SLC4A7: variants seen among roughly 807,000 people sequenced by gnomAD.
SLC4A7 encodes the protein solute carrier family 4 member 7, also known as sodium bicarbonate cotransporter 3.
In SLC4A7, 51 loss-of-function variants were observed where a neutral mutation model predicts 137.6. That is an observed-to-expected ratio of 0.37 (90% CI 0.30 to 0.47). The LOEUF is 0.47. Ranked by LOEUF, SLC4A7 falls within the 20% of genes least tolerant of loss-of-function variation. The pLI is 1.00. For missense variants in SLC4A7, 1,247 were observed against 1,525.4 expected, an observed-to-expected ratio of 0.82 and a Z score of 3.04; for synonymous variants, 542 against 518.6, an observed-to-expected ratio of 1.05 and a Z score of -0.61.
chr3:27,400,792 T>TTG lies in SLC4A7; in HGVS notation c.2397_2398dup (p.Asn800ThrfsTer79), dbSNP rs1475022544. On this transcript the variant is annotated frameshift_variant, in exon 16 of 26. Transcript: ENST00000454389. LOFTEE classifies it high-confidence loss of function. ...AACAGTAAGATTTCTCCAGGAAATA[T>TTG]TGTGTGCTGTTATATTATCTTTCTT... is the stretch of plus-strand genomic sequence containing the variant. The TTG allele has an allele frequency of 1.2e-6, 2 of 1,604,452 alleles. No individual in the cohort carries two copies. The highest frequency in any genetic ancestry group is 4.5e-5 in the East Asian group (2 of 44,758).
chr3:27,391,013 G>A (rs1247405456), intron 21 of SLC4A7, among the ~76,000 whole-genome samples: 1 of 152,114 alleles, frequency 6.6e-6, no homozygotes, highest in African/African-American at 2.4e-5. Context: ...TGTAGAGGCA[G>A]GATCTCACTG....
chr3:27,462,999 A>C (rs2058777245), intron 1 of SLC4A7, among the ~76,000 whole-genome samples: 1 of 152,262 alleles, frequency 6.6e-6, no homozygotes, highest in South Asian at 2.1e-4. Context: ...AAATATTAAG[A>C]AAGCAGGGAC....
chr3:27,418,663 T>C (rs2054627646), intron 10 of SLC4A7, 31 bp from the exon 11 acceptor site: 2 of 1,443,752 alleles, frequency 1.4e-6, no homozygotes, highest in Admixed American at 2.0e-5. Flanking sequence ...GTAAAAGATT[T>C]TAAAGTTGAA....
At chr3:27,461,638 G>C (rs558334755) in intron 1 of SLC4A7, among the ~76,000 whole-genome samples, 3 of 151,018 alleles carry the variant, frequency 2.0e-5, no homozygotes, top group Non-Finnish European at 4.4e-5. Flanking sequence ...AAATAAAAAG[G>C]AAAAATGGTA....
At chr3:27,399,219 G>A (rs1422098894) in intron 16 of SLC4A7, among the ~76,000 whole-genome samples, 2 of 152,074 alleles carry the variant, frequency 1.3e-5, no homozygotes, top group Admixed American at 1.3e-4. Context: ...GAAAATAAAA[G>A]CTATACCATT....
At chr3:27,435,383 G>T (rs1412034312) in intron 5 of SLC4A7, among the ~76,000 whole-genome samples, 1 of 151,894 alleles carries the variant, frequency 6.6e-6, no homozygotes, top group African/African-American at 2.4e-5. Context: ...TCTTTGCTTA[G>T]ACTGTTCCTA....
chr3:27,406,424 G>T (rs1050478636), intron 13 of SLC4A7, among the ~76,000 whole-genome samples: 3 of 152,098 alleles, frequency 2.0e-5, no homozygotes, highest in Non-Finnish European at 4.4e-5. Flanking sequence ...ATAAAAACAG[G>T]ATCAAACTCA....
At chr3:27,444,299 T>C (rs1192267453) in intron 3 of SLC4A7, among the ~76,000 whole-genome samples, 5 of 152,210 alleles carry the variant, frequency 3.3e-5, no homozygotes, top group African/African-American at 4.8e-5. Flanking sequence ...CATTATATGT[T>C]TTCTTTATGT....
chr3:27,433,730 G>C (rs1419564558), intron 6 of SLC4A7, among the ~76,000 whole-genome samples, 186 bp downstream of exon 6: 4 of 152,238 alleles, frequency 2.6e-5, no homozygotes, highest in African/African-American at 7.2e-5. Context: ...AAAAATTATA[G>C]ATCATAATTT....
intron 1 of SLC4A7, among the ~76,000 whole-genome samples, chr3:27,459,990 T>TATAC (rs1491184643): frequency 2.6e-4 from 23 of 90,052 alleles, no homozygotes; most frequent in South Asian, 9.0e-4. Context: ...TATATATATA[T>TATAC]ACACACACAC....
intron 1 of SLC4A7, among the ~76,000 whole-genome samples, chr3:27,473,705 C>CA (rs747183440): frequency 0.04 from 2,351 of 58,788 alleles, 67 homozygotes; most frequent in Non-Finnish European, 0.043. Flanking sequence ...GACCTCATGT[C>CA]AAAAAAAAAA....
intron 1 of SLC4A7, among the ~76,000 whole-genome samples, chr3:27,458,199 TTCA>T (rs2058510500): frequency 6.6e-6 from 1 of 152,200 alleles, no homozygotes; most frequent in South Asian, 2.1e-4. Flanking sequence ...TTTTTACTGC[TTCA>T]TCAAAGTGCT....
intron 1 of SLC4A7, among the ~76,000 whole-genome samples, chr3:27,466,311 C>T (rs1243120677): frequency 2.0e-5 from 3 of 151,694 alleles, no homozygotes; most frequent in African/African-American, 7.3e-5. Context: ...ATTAGCCGGG[C>T]GAGGTGGTGG....
chr3:27,408,402 C>T (rs1001649458), intron 13 of SLC4A7, among the ~76,000 whole-genome samples: 5 of 152,092 alleles, frequency 3.3e-5, no homozygotes, highest in African/African-American at 1.2e-4. Context: ...AAAATATGGA[C>T]CTTTGATACA....
At position 27,484,347 on chromosome 3, in the gene SLC4A7, G is replaced by C; in HGVS notation, c.-221C>G. On this transcript the variant is annotated 5_prime_UTR_variant, in exon 1 of 26. Transcript: ENST00000454389. ...GCGACTGCTGGGCTGGCTTTAGTAG[G>C]AGAGCGAGGCCGCGGCGTGGAACCT... is the stretch of plus-strand genomic sequence containing the variant. 1 of 341,938 alleles carries C rather than the reference G, an allele frequency of 2.9e-6. No individual in the cohort carries two copies. Among genetic ancestry groups the C allele is most frequent in the East Asian group, 4.5e-5 (1 of 22,312 alleles). The allele number at this position is 341,938 out of a possible 1,614,324, so 21.2% of individuals were successfully genotyped here. A position where few individuals can be genotyped will look rare whatever the true frequency, so the allele number is the denominator to read the frequency against.
intron 5 of SLC4A7, among the ~76,000 whole-genome samples, chr3:27,435,582 G>A (rs1252174027): frequency 1.3e-5 from 2 of 152,194 alleles, no homozygotes; most frequent in Non-Finnish European, 2.9e-5. Flanking sequence ...GCTCACACCT[G>A]TAAACCCAAA....
chr3:27,423,820 G>A (rs1027601352), intron 8 of SLC4A7: 5 of 449,168 alleles, frequency 1.1e-5, no homozygotes, highest in South Asian at 4.2e-5. Flanking sequence ...TCTAACACTA[G>A]TAATGGTGTA....
intron 15 of SLC4A7, 84 bp downstream of exon 15, chr3:27,403,055 C>T: frequency 2.9e-6 from 4 of 1,363,772 alleles, no homozygotes; most frequent in Non-Finnish European, 1.0e-6. Flanking sequence ...TACACTATCA[C>T]ACTGCAAAAA....
intron 1 of SLC4A7, among the ~76,000 whole-genome samples, chr3:27,479,020 C>A (rs200859167): frequency 4.0e-5 from 6 of 149,084 alleles, no homozygotes; most frequent in Non-Finnish European, 9.0e-5. Flanking sequence ...AAAAAAAAAA[C>A]AAAAAAACAC....
Sources: allele counts gnomAD v4.1 joint callset (sites outside exome capture counted in the v4.1 genomes callset), GRCh38; gene constraint gnomAD v4.1.1; transcripts MANE v1.5; gene names NCBI Gene and HGNC (gene_info 2026-07-23, HGNC 2026-07-21).